ANO3: variants seen among roughly 807,000 people sequenced by gnomAD.
The protein encoded by ANO3 is anoctamin-3.
ANO3 carries 99 observed loss-of-function variants against 144.8 expected under a neutral mutation model. The observed-to-expected ratio is 0.68, with a 90% CI of 0.58 to 0.81. ANO3 has a LOEUF of 0.81. ANO3 is among the 30% of genes least tolerant of loss of function. The probability of loss-of-function intolerance (pLI) is 0.00; values close to 1 mark genes in which losing one functional copy is unlikely to be tolerated. For synonymous variants in ANO3, 414 were observed against 392.6 expected, an observed-to-expected ratio of 1.05 and a Z score of -0.64; for missense variants, 905 against 1,202.2, an observed-to-expected ratio of 0.75 and a Z score of 3.66.
intron 6 of ANO3, among the ~76,000 whole-genome samples, chr11:26,518,830 A>G (rs1861958004): frequency 6.6e-6 from 1 of 152,052 alleles, no homozygotes; most frequent in Non-Finnish European, 1.5e-5. Context: ...TAAAATATAT[A>G]GCAATGCAAT....
At chr11:26,291,975 G>A (rs1466725908) in intron 1 of ANO3, among the ~76,000 whole-genome samples, 1 of 152,154 alleles carries the variant, frequency 6.6e-6, no homozygotes. Flanking sequence ...GGTTGGGGAA[G>A]TTCTCCCGGG....
intron 4 of ANO3, among the ~76,000 whole-genome samples, chr11:26,489,440 G>C (rs1201271759): frequency 2.0e-5 from 3 of 152,228 alleles, no homozygotes; most frequent in African/African-American, 7.2e-5. Flanking sequence ...GAAGGGAAAT[G>C]TGGGGTTGGA....
chr11:26,465,225 A>G (rs1035677520), intron 4 of ANO3, among the ~76,000 whole-genome samples: 2 of 151,032 alleles, frequency 1.3e-5, no homozygotes, highest in Middle Eastern at 3.4e-3. Context: ...ATTTTTATTC[A>G]TTTGTGTCCT....
intron 14 of ANO3, among the ~76,000 whole-genome samples, chr11:26,590,933 C>T (rs1392141992): frequency 6.6e-6 from 1 of 152,066 alleles, no homozygotes; most frequent in East Asian, 1.9e-4. Flanking sequence ...GGGAGGGGAC[C>T]CAAAGGGGGT....
At chr11:26,407,717 G>A (rs1464091948) in intron 1 of ANO3, among the ~76,000 whole-genome samples, 2 of 151,632 alleles carry the variant, frequency 1.3e-5, no homozygotes, top group East Asian at 3.9e-4. Context: ...TCTTGCAATG[G>A]CTCTCCGTTT....
intron 4 of ANO3, among the ~76,000 whole-genome samples, chr11:26,477,350 C>A (rs998318145): frequency 1.3e-5 from 2 of 152,118 alleles, no homozygotes; most frequent in African/African-American, 4.8e-5. Flanking sequence ...CTTGAATATA[C>A]TGACCCTTTT....
At chr11:26,265,149 T>A (rs1217737427) in intron 1 of ANO3, among the ~76,000 whole-genome samples, 1 of 152,212 alleles carries the variant, frequency 6.6e-6, no homozygotes, top group Non-Finnish European at 1.5e-5. Context: ...AAATAGTCAT[T>A]ATTTTTTCAT....
At chr11:26,197,674 T>G (rs1239377476) in intron 1 of ANO3, among the ~76,000 whole-genome samples, 3 of 152,076 alleles carry the variant, frequency 2.0e-5, no homozygotes, top group African/African-American at 7.2e-5. Flanking sequence ...TTTCAGACTT[T>G]CATCTCCTAA....
At chr11:26,409,452 A>G (rs1857376855) in intron 1 of ANO3, among the ~76,000 whole-genome samples, 1 of 23,132 alleles carries the variant, frequency 4.3e-5, no homozygotes, top group South Asian at 3.8e-3. Flanking sequence ...TGAAGAATGC[A>G]CATGAAATTG....
chr11:26,604,321 A>G (rs1331532233), intron 17 of ANO3, among the ~76,000 whole-genome samples: 1 of 152,130 alleles, frequency 6.6e-6, no homozygotes, highest in Admixed American at 6.6e-5. Flanking sequence ...GTAGCCTTGT[A>G]GTATAGTTTG....
At chr11:26,543,679 G>T (rs1343766418) in intron 11 of ANO3, among the ~76,000 whole-genome samples, 4 of 152,030 alleles carry the variant, frequency 2.6e-5, no homozygotes, top group Non-Finnish European at 5.9e-5. Context: ...TCATTGTTCA[G>T]TTACCACCTA....
intron 4 of ANO3, among the ~76,000 whole-genome samples, chr11:26,480,941 T>C (rs1444640334): frequency 1.3e-5 from 2 of 152,164 alleles, no homozygotes; most frequent in Non-Finnish European, 2.9e-5. Context: ...CTATGTGACA[T>C]TGGAAAATTG....
chr11:26,451,491 G>A (rs999724064), intron 3 of ANO3, among the ~76,000 whole-genome samples: 6 of 152,196 alleles, frequency 3.9e-5, no homozygotes, highest in African/African-American at 1.4e-4. Context: ...TGCTAGCACA[G>A]CAGTCTGAGA....
Position 26,634,110 on chromosome 11 carries a change from AG to A in ANO3, c.1874-93del, listed in dbSNP as rs1406880500. ...AAAAAAAAAAAAAATTAAATTAAAA[AG>A]ACAAACTTGAACTTGGGGTTTCTGC... On this transcript the variant is annotated intron_variant, in intron 18 of 26. Transcript: ENST00000256737. 13 of 618,332 alleles carry A rather than the reference AG, an allele frequency of 2.1e-5. No homozygotes were observed. The Admixed American group carries it at 2.8e-4, about 14-fold the overall frequency. 38.3% of individuals were successfully genotyped at this position (618,332 alleles called of 1,614,324 possible). A position where few individuals can be genotyped will look rare whatever the true frequency, so the allele number is the denominator to read the frequency against.
intron 14 of ANO3, among the ~76,000 whole-genome samples, chr11:26,571,267 A>G (rs1253381428): frequency 2.0e-5 from 3 of 152,130 alleles, no homozygotes; most frequent in African/African-American, 7.2e-5. Context: ...TGTAATGTCT[A>G]TAGGAGCAGC....
At chr11:26,576,311 T>C (rs1850984707) in intron 14 of ANO3, among the ~76,000 whole-genome samples, 1 of 152,172 alleles carries the variant, frequency 6.6e-6, no homozygotes, top group Non-Finnish European at 1.5e-5. Flanking sequence ...TTAAAATAGA[T>C]AAAATAATTG....
intron 1 of ANO3, among the ~76,000 whole-genome samples, chr11:26,212,440 G>T (rs1564919149): frequency 6.6e-6 from 1 of 151,574 alleles, no homozygotes; most frequent in Non-Finnish European, 1.5e-5. Flanking sequence ...CAATAAAAAT[G>T]ATAAAGGGGA....
chr11:26,509,851 T>G (rs2134139993), intron 5 of ANO3, among the ~76,000 whole-genome samples: 1 of 152,124 alleles, frequency 6.6e-6, no homozygotes, highest in South Asian at 2.1e-4. Context: ...CTAGAAAAAC[T>G]AATCCATTTA....
rs1167562228 is a variant in ANO3 at position 26,662,008 on chromosome 11, A to T, written c.*1564A>T. ...TTATTTCTAACATATAAAAGACCAG[A>T]TCAAACACAATGGAAATAAAGCTAC... On this transcript the variant is annotated 3_prime_UTR_variant, in exon 27 of 27. Coordinates refer to ENST00000256737, the MANE Select transcript of ANO3 (RefSeq NM_031418.4). 6.6e-6 allele frequency: 1 copy of T among 152,130 alleles called. No homozygotes were observed. Among genetic ancestry groups the T allele is most frequent in the Admixed American group, 6.6e-5 (1 of 15,240 alleles). The allele number at this position is 152,130 out of a possible 1,614,324, so 9.4% of individuals were successfully genotyped here. A position where few individuals can be genotyped will look rare whatever the true frequency, so the allele number is the denominator to read the frequency against.
Sources: allele counts gnomAD v4.1 joint callset (sites outside exome capture counted in the v4.1 genomes callset), GRCh38; gene constraint gnomAD v4.1.1; transcripts MANE v1.5; gene names NCBI Gene and HGNC (gene_info 2026-07-23, HGNC 2026-07-21).